Variants in CPXM2 observed in about 807,000 individuals in gnomAD.
CPXM2 encodes the protein inactive carboxypeptidase-like protein X2.
CPXM2 carries 66 observed loss-of-function variants against 86.1 expected under a neutral mutation model. The observed-to-expected ratio is 0.77, with a 90% CI of 0.63 to 0.94. CPXM2 has a LOEUF of 0.94. Ranked by LOEUF, CPXM2 falls within the 40% of genes least tolerant of loss-of-function variation. The pLI, the probability that CPXM2 is intolerant of heterozygous loss-of-function variation, is 0.00. For missense variants in CPXM2, 948 were observed against 1,026.3 expected, an observed-to-expected ratio of 0.92 and a Z score of 1.04; for synonymous variants, 388 against 400.2, an observed-to-expected ratio of 0.97 and a Z score of 0.36.
At chr10:123,816,093 A>G (rs1847808095) in intron 4 of CPXM2, among the ~76,000 whole-genome samples, 1 of 151,940 alleles carries the variant, frequency 6.6e-6, no homozygotes, top group Admixed American at 6.6e-5. Flanking sequence ...AGGGATCCAA[A>G]GGCTTAGGGA....
chr10:123,890,448 C>T (rs1236419600), intron 1 of CPXM2, among the ~76,000 whole-genome samples: 25 of 152,230 alleles, frequency 1.6e-4, no homozygotes, highest in Non-Finnish European at 1.5e-5. Context: ...AAGACGATGC[C>T]TTCCATACCC....
At chr10:123,892,532 G>A (rs78787926), upstream of CPXM2, among the ~76,000 whole-genome samples, 1,652 of 152,278 alleles carry the variant, frequency 0.011, 67 homozygotes, top group East Asian at 0.13. Flanking sequence ...ATGGCCCTGC[G>A]GCTTCTGCTC....
rs761713000 is a variant in CPXM2 at position 123,768,543 on chromosome 10, C to T, written c.1282G>A (p.Glu428Lys). The T allele has an allele frequency of 2.5e-5, 40 of 1,613,344 alleles. 1 individual carries two copies. The South Asian group carries it at 2.9e-4, about 12-fold the overall frequency. ...GCCATTACCCCTTCGTAGGCCTTCT[C>T]GTAGCCATCGGGGTTGAGGGAGGGG... ...VLPSLNPDGY[E>K]KAYEGGSELG... The change falls in exon 9 of 14, where the codon GAG becomes AAG. Residue 428 changes from glutamate to lysine, a missense_variant. By Grantham distance (56) the Glu-to-Lys change is moderately conservative. Coordinates refer to ENST00000241305, the MANE Select transcript of CPXM2 (RefSeq NM_198148.3).
rs1945380807 is a variant in CPXM2, at chr10:123,901,460, T to TGTGTGTG, written n.175-21158_175-21152dup. On this transcript the variant is annotated intron_variant and non_coding_transcript_variant, in intron 2 of 19. Coordinates refer to the CPXM2 transcript ENST00000368854. ...GTGTGTGTGTGTGTGTGTGTGTGTG[T>TGTGTGTG]GTGTGTGTGTGTGTTTTCCCCTATG... 2.0e-5 allele frequency among the ~76,000 whole-genome samples: 3 copies of TGTGTGTG among 148,998 alleles called. No individual in the cohort carries two copies. The South Asian group carries it at 6.3e-4, about 31-fold the overall frequency.
intron 6 of CPXM2, among the ~76,000 whole-genome samples, chr10:123,794,132 C>A (rs536938434): frequency 6.6e-6 from 1 of 152,352 alleles, no homozygotes; most frequent in Non-Finnish European, 1.5e-5. Flanking sequence ...TGCCTTTTGG[C>A]GGCTCCTCTG....
At chr10:123,846,533 G>A (rs975294079) in intron 3 of CPXM2, among the ~76,000 whole-genome samples, 12 of 152,164 alleles carry the variant, frequency 7.9e-5, no homozygotes, top group Non-Finnish European at 1.3e-4. Context: ...TGAAAGCCCC[G>A]TTCCTAACCG....
chr10:123,841,002 G>A (rs933801282), intron 4 of CPXM2, among the ~76,000 whole-genome samples: 6 of 152,216 alleles, frequency 3.9e-5, no homozygotes, highest in Admixed American at 3.9e-4. Flanking sequence ...TGAGCTTTGA[G>A]AGTGCAGTAT....
At chr10:123,921,374 A>C (rs778199355) in intron 2 of CPXM2, among the ~76,000 whole-genome samples, 15 of 152,236 alleles carry the variant, frequency 9.9e-5, no homozygotes, top group Non-Finnish European at 1.3e-4. Flanking sequence ...TTCTGTTTAC[A>C]AAGAGAAAAA....
chr10:123,860,902 T>C (rs188236877), intron 3 of CPXM2, among the ~76,000 whole-genome samples: 1 of 152,330 alleles, frequency 6.6e-6, no homozygotes, highest in African/African-American at 2.4e-5. Context: ...CGGATCTCCT[T>C]AAAGTTAGTT....
chr10:123,814,605 T>C (rs1847774073), intron 4 of CPXM2, among the ~76,000 whole-genome samples: 1 of 151,496 alleles, frequency 6.6e-6, no homozygotes, highest in Non-Finnish European at 1.5e-5. Context: ...AACGATGGAG[T>C]TCTTTCATTG....
At chr10:123,838,793 A>G (rs1488132011) in intron 4 of CPXM2, among the ~76,000 whole-genome samples, 1 of 152,138 alleles carries the variant, frequency 6.6e-6, no homozygotes, top group Non-Finnish European at 1.5e-5. Context: ...GAACCTGGGA[A>G]GCGGCAACAG....
At chr10:123,871,221 A>G (rs1944890680) in intron 2 of CPXM2, among the ~76,000 whole-genome samples, 1 of 152,210 alleles carries the variant, frequency 6.6e-6, no homozygotes, top group South Asian at 2.1e-4. Flanking sequence ...ACCTCCTAGG[A>G]AAAGTCCACA....
At position 123,891,277 on chromosome 10, in the gene CPXM2, A is replaced by G. The variant is rs28513406; in HGVS notation, c.304+79T>C. The stretch of plus-strand genomic sequence containing the variant: ...GACTGGCCCATCCCAGACACACACA[A>G]TGGGAGAAGCCAGTTGTCCCCTGGA... On this transcript the variant is annotated intron_variant, in intron 1 of 13. Coordinates refer to ENST00000241305, the MANE Select transcript of CPXM2 (RefSeq NM_198148.3). This position sits in a 1 kb window ranked among gnomAD's most constrained non-coding sequence, Gnocchi z 5.6. 2.5e-6 allele frequency: 3 copies of G among 1,219,282 alleles called. No homozygotes were observed. The highest frequency in any genetic ancestry group is 3.3e-6 in the Non-Finnish European group (3 of 895,624). The allele number at this position is 1,219,282 out of a possible 1,614,324, so 75.5% of individuals were successfully genotyped here. A position where few individuals can be genotyped will look rare whatever the true frequency, so the allele number is the denominator to read the frequency against.
At chr10:123,804,451 G>A (rs530763735) in intron 4 of CPXM2, among the ~76,000 whole-genome samples, 1 of 152,140 alleles carries the variant, frequency 6.6e-6, no homozygotes, top group East Asian at 1.9e-4. Context: ...CTGGGTAGCT[G>A]ATTTTTTAAA....
intron 2 of CPXM2, among the ~76,000 whole-genome samples, chr10:123,925,217 T>C (rs1258370719): frequency 6.6e-6 from 1 of 152,208 alleles, no homozygotes. Context: ...TTTACATGTT[T>C]CTAGCAGGGA....
At chr10:123,767,856 T>G (rs2134000719) in intron 9 of CPXM2, among the ~76,000 whole-genome samples, 1 of 152,322 alleles carries the variant, frequency 6.6e-6, no homozygotes, top group South Asian at 2.1e-4. Context: ...AGAAGACTGA[T>G]GAGAAGATTA....
chr10:123,768,688 G>C lies in CPXM2; in HGVS notation c.1137C>G (p.His379Gln). 6.2e-7 allele frequency: 1 copy of C among 1,611,180 alleles called. No homozygotes were observed. The part of the protein sequence containing the change: ...EPEFHYIAGA[H>Q]GNEVLGRELL... ...GCTCCCGGCCCAGCACCTCATTGCC[G>C]TGGGCCCCCGCGATGTAGTGGAACT... Residue 379 changes from histidine to glutamine, a missense_variant, in exon 9 of 14, where the codon CAC (histidine) becomes CAG (glutamine). By Grantham distance (24) the His-to-Gln change is conservative (BLOSUM62 0). Transcript: ENST00000241305.
rs186984032 is a variant in CPXM2 at position 123,861,480 on chromosome 10, G to A, written c.513+1134C>T. ...GTCCACGCTCTAATCCGCAGAACCT[G>A]TGCATATATTAGATTACACAGCAGA... is the stretch of plus-strand genomic sequence containing the variant. On this transcript the variant is annotated intron_variant, in intron 3 of 13. Transcript: ENST00000241305. Among the ~76,000 whole-genome samples the A allele has an allele frequency of 3.0e-3, 451 of 152,278 alleles. 3 individuals are homozygous for A. Among genetic ancestry groups the A allele is most frequent in the Non-Finnish European group, 5.1e-3 (350 of 68,020 alleles).
At chr10:123,892,900 T>C (rs1388527207), upstream of CPXM2, among the ~76,000 whole-genome samples, 1 of 152,206 alleles carries the variant, frequency 6.6e-6, no homozygotes, top group Non-Finnish European at 1.5e-5. Context: ...TCCCTGGTCC[T>C]CGCACGTGGG....
Sources: allele counts gnomAD v4.1 joint callset (sites outside exome capture counted in the v4.1 genomes callset), GRCh38; gene constraint gnomAD v4.1.1; non-coding constraint Gnocchi (gnomAD v3.1); transcripts MANE v1.5; gene names NCBI Gene and HGNC (gene_info 2026-07-23, HGNC 2026-07-21).